Variants in SEMA4B observed in about 807,000 individuals in gnomAD.
The protein encoded by SEMA4B is semaphorin-4B.
In SEMA4B, 55 loss-of-function variants were observed where a neutral mutation model predicts 88.1. The observed-to-expected ratio is 0.62, with a 90% confidence interval of 0.50 to 0.78. The LOEUF (loss-of-function observed/expected upper bound fraction) is 0.78, where lower values mean the gene tolerates loss of function less well. Ranked by LOEUF, SEMA4B falls within the 30% of genes least tolerant of loss-of-function variation. SEMA4B has a pLI of 0.00. For missense variants in SEMA4B, 1,062 were observed against 1,111.9 expected, an observed-to-expected ratio of 0.96 and a Z score of 0.64; for synonymous variants, 525 against 473.6, an observed-to-expected ratio of 1.11 and a Z score of -1.41.
exon 1 of SEMA4B, chr15:90,185,064 G>T: frequency 1.0e-6 from 1 of 985,148 alleles, no homozygotes; most frequent in Non-Finnish European, 1.2e-6. Context: ...ACCGTGCGCT[G>T]ACCCTGACTC....
intron 1 of SEMA4B, among the ~76,000 whole-genome samples, chr15:90,192,338 G>A (rs952803434): frequency 2.6e-5 from 4 of 152,242 alleles, no homozygotes; most frequent in African/African-American, 9.6e-5. Context: ...GGCAGACCTG[G>A]CCAGGAGCCG....
intron 1 of SEMA4B, among the ~76,000 whole-genome samples, chr15:90,211,989 G>A (rs756185475): frequency 6.6e-6 from 1 of 152,148 alleles, no homozygotes; most frequent in Non-Finnish European, 1.5e-5. Flanking sequence ...CTAGCTGGCT[G>A]GCCTGGGGTG....
Position 90,228,560 on chromosome 15 carries a change from C to G in SEMA4B, c.2431C>G (p.Gln811Glu). Residue 811 changes from glutamine (Q) to glutamate (E), a missense_variant, in exon 14 of 14, where the codon CAA becomes GAA. Transcript: ENST00000411539. ...GTCAGAGAAGAGGCCACTCAGCATC[C>G]AAGACAGCTTCGTGGAGGTATCCCC... ...TESEKRPLSI[Q>E]DSFVEVSPVC... The G allele has an allele frequency of 6.2e-7, 1 of 1,613,608 alleles. No homozygotes were observed. Among genetic ancestry groups the G allele is most frequent in the Non-Finnish European group, 8.5e-7 (1 of 1,179,834 alleles).
In SEMA4B at chr15:90,227,638, A is replaced by G. The variant is rs1962242230; in HGVS notation, c.1770A>G (p.Pro590=). 1.2e-6 allele frequency: 2 copies of G among 1,613,934 alleles called. No individual in the cohort carries two copies. The highest frequency in any genetic ancestry group is 2.7e-5 in the African/African-American group (2 of 75,036). Residue 590 remains proline (P), a synonymous_variant, in exon 13 of 14, where the codon CCA becomes CCG. Transcript: ENST00000411539. ...ASSVVSPSFV[P]TGEKPCEQVQ... ...CGGTTGTGTCCCCGTCTTTTGTACC[A>G]ACAGGTGAGGTGCCCCCTCAAAAGG...
rs891371356 is a variant in SEMA4B, at chr15:90,212,937, C to T, written c.158-4502C>T. On this transcript the variant is annotated intron_variant, in intron 1 of 13. Transcript: ENST00000411539. The surrounding 1 kb of genome is among the most constrained non-coding windows in gnomAD (Gnocchi z 4.0). ...CCCTGGATGAGGGAGGCCCGACTCCCGCAAGGAGCCCTGCCCTTCTGCCAG... is the reference window on the plus strand; with the variant it reads ...CCCTGGATGAGGGAGGCCCGACTCCTGCAAGGAGCCCTGCCCTTCTGCCAG... Among the ~76,000 whole-genome samples, 3 of 152,172 alleles carry T rather than the reference C, an allele frequency of 2.0e-5. No individual in the cohort carries two copies. Among genetic ancestry groups the T allele is most frequent in the Admixed American group, 6.5e-5 (1 of 15,276 alleles).
chr15:90,199,960 G>A (rs1211905647), upstream of SEMA4B, among the ~76,000 whole-genome samples: 1 of 152,218 alleles, frequency 6.6e-6, no homozygotes, highest in African/African-American at 2.4e-5. Context: ...CTGGGCAATA[G>A]TAGCACTGTG....
At chr15:90,224,437 GC>G (rs1962035580) in intron 9 of SEMA4B, among the ~76,000 whole-genome samples, 1 of 152,236 alleles carries the variant, frequency 6.6e-6, no homozygotes, top group Non-Finnish European at 1.5e-5. Flanking sequence ...ATGCCAGGAA[GC>G]AGCATGAAGG....
rs1192318955 is a variant in SEMA4B at position 90,229,371 on chromosome 15, T to G, written c.*728T>G. 2 of 456,672 alleles carry G rather than the reference T, an allele frequency of 4.4e-6. No individual in the cohort carries two copies. Among genetic ancestry groups the G allele is most frequent in the East Asian group, 6.9e-5 (1 of 14,398 alleles). The allele number at this position is 456,672 out of a possible 1,614,324, so 28.3% of individuals were successfully genotyped here. ...GACAATGTACGCCTTTCCCTCAGAA[T>G]TCAGGGAAGAGACTGTCGCCTGCCT... is the stretch of plus-strand genomic sequence containing the variant. On this transcript the variant is annotated 3_prime_UTR_variant, in exon 14 of 14. Transcript: ENST00000411539.
chr15:90,207,485 G>C (rs968303834), intron 1 of SEMA4B, among the ~76,000 whole-genome samples: 2 of 152,232 alleles, frequency 1.3e-5, no homozygotes, highest in African/African-American at 2.4e-5. Flanking sequence ...TGTGTGCCAG[G>C]CACTGCTGTT....
At chr15:90,199,060 GA>G, upstream of SEMA4B, among the ~76,000 whole-genome samples, 1 of 152,292 alleles carries the variant, frequency 6.6e-6, no homozygotes, top group Admixed American at 6.5e-5. Context: ...TCTTAGTAGA[GA>G]TGGGGATTCA....
rs1330086565 is a variant in SEMA4B, at chr15:90,201,736, G to A, written c.157+1G>A. On this transcript the variant is annotated splice_donor_variant, in intron 1 of 13. Transcript: ENST00000411539. LOFTEE classifies it high-confidence loss of function. The stretch of plus-strand genomic sequence containing the variant: ...AGCCCCCGGATCAGCCTGCCTCTGG[G>A]TGAGTGCCGGGGACCCGGGGACGCG... The A allele has an allele frequency of 1.4e-6, 2 of 1,444,776 alleles. No individual in the cohort carries two copies. Among genetic ancestry groups the A allele is most frequent in the Non-Finnish European group, 1.8e-6 (2 of 1,103,574 alleles). The allele number at this position is 1,444,776 out of a possible 1,614,324, so 89.5% of individuals were successfully genotyped here.
At chr15:90,219,148 G>A (rs1280865500) in intron 3 of SEMA4B, 1 of 152,332 alleles carries the variant, frequency 6.6e-6, no homozygotes, top group African/African-American at 2.4e-5. Flanking sequence ...GCTCGGACCA[G>A]TGAGAAATGC....
Position 90,228,716 on chromosome 15 carries a change from C to T in SEMA4B, c.*73C>T. The T allele has an allele frequency of 1.3e-6, 2 of 1,578,336 alleles. No individual in the cohort carries two copies. The highest frequency in any genetic ancestry group is 1.7e-6 in the Non-Finnish European group (2 of 1,158,320). ...CTCGGAGAGGGTCAACTGGACCTCCCCTCCGCTCTGCTCTTCGTGGAACAC... is the reference window on the plus strand; with the variant it reads ...CTCGGAGAGGGTCAACTGGACCTCCTCTCCGCTCTGCTCTTCGTGGAACAC... On this transcript the variant is annotated 3_prime_UTR_variant, in exon 14 of 14. Transcript: ENST00000411539.
intron 1 of SEMA4B, among the ~76,000 whole-genome samples, chr15:90,194,740 A>G (rs1396769238): frequency 6.6e-6 from 1 of 152,176 alleles, no homozygotes; most frequent in Non-Finnish European, 1.5e-5. Context: ...TTTTAAATGG[A>G]AAGATTAGTA....
At chr15:90,191,626 CAG>C (rs1254102875) in intron 1 of SEMA4B, among the ~76,000 whole-genome samples, 1 of 152,206 alleles carries the variant, frequency 6.6e-6, no homozygotes, top group Non-Finnish European at 1.5e-5. Flanking sequence ...ATTCTTCTGA[CAG>C]AAGAACCTGT....
In SEMA4B at chr15:90,201,564, G is replaced by C; in HGVS notation, c.-15G>C. On this transcript the variant is annotated 5_prime_UTR_variant, in exon 1 of 14. Transcript: ENST00000411539. The stretch of plus-strand genomic sequence containing the variant: ...TGAGCCCGAGCCGCGGGACACCGTC[G>C]CTCCTGCTCTCCGAATGCTGCGCAC... 1.4e-6 allele frequency: 2 copies of C among 1,462,508 alleles called. No homozygotes were observed. The highest frequency in any genetic ancestry group is 2.6e-5 in the South Asian group (2 of 76,576). The allele number at this position is 1,462,508 out of a possible 1,614,324, so 90.6% of individuals were successfully genotyped here.
intron 9 of SEMA4B, 43 bp from the exon 10 acceptor site, chr15:90,224,925 C>T (rs758430452): frequency 3.2e-6 from 5 of 1,562,598 alleles, no homozygotes; most frequent in Middle Eastern, 3.4e-4. Flanking sequence ...CTGCCTGCCA[C>T]CCCGAGGTGT....
Position 90,221,017 on chromosome 15 carries a change from G to A in SEMA4B, c.519G>A (p.Lys173=), listed in dbSNP as rs150569383. ...ACTTCACCCTGGCAAGGGACGAGAA[G>A]GGGAATGTCCTCCTGGAAGATGGCA... The part of the protein sequence containing the change: ...MENFTLARDE[K]GNVLLEDGKG... The change falls in exon 5 of 14, where the codon AAG becomes AAA. Residue 173 remains lysine, a synonymous_variant. Coordinates refer to ENST00000411539, the MANE Select transcript of SEMA4B (RefSeq NM_198925.4). 2.5e-6 allele frequency: 4 copies of A among 1,610,834 alleles called. No homozygotes were observed. Among genetic ancestry groups the A allele is most frequent in the African/African-American group, 1.3e-5 (1 of 75,026 alleles).
In SEMA4B at chr15:90,221,746, G is replaced by A. The variant is rs757784024; in HGVS notation, c.842G>A (p.Arg281His). The change falls in exon 7 of 14, where the codon CGC (arginine) becomes CAC (histidine). Residue 281 changes from arginine to histidine, a missense_variant. By Grantham distance (29) the Arg-to-His change is conservative. Coordinates refer to ENST00000411539, the MANE Select transcript of SEMA4B (RefSeq NM_198925.4). Reference sequence around the variant, plus strand: ...TTCTTTGAGAACACCATTGTGTCCCGCATTGCCCGCATCTGCAAGGTGAGG... The same window carrying A: ...TTCTTTGAGAACACCATTGTGTCCCACATTGCCCGCATCTGCAAGGTGAGG... ...FEFFENTIVS[R>H]IARICKGDEG... 8 of 1,613,714 alleles carry A rather than the reference G, an allele frequency of 5.0e-6. No homozygotes were observed. Among genetic ancestry groups the A allele is most frequent in the South Asian group, 1.1e-5 (1 of 91,058 alleles).
Sources: allele counts gnomAD v4.1 joint callset (sites outside exome capture counted in the v4.1 genomes callset), GRCh38; gene constraint gnomAD v4.1.1; non-coding constraint Gnocchi (gnomAD v3.1); transcripts MANE v1.5; gene names NCBI Gene and HGNC (gene_info 2026-07-23, HGNC 2026-07-21).